The following HNRNPC variants were observed in gnomAD, a reference collection of about 807,000 sequenced individuals.
HNRNPC encodes the protein heterogeneous nuclear ribonucleoproteins C1/C2.
In HNRNPC, 3 loss-of-function variants were observed where a neutral mutation model predicts 33.2. The ratio of observed to expected loss-of-function variants is 0.09; its 90% confidence interval spans 0.04 to 0.23. The LOEUF is 0.23. Among genes scored for constraint, HNRNPC ranks in the 10% least tolerant of loss-of-function variants. HNRNPC has a pLI of 1.00. For synonymous variants in HNRNPC, 121 were observed against 126.7 expected (o/e 0.96, Z 0.30); for missense variants, 143 against 366.7 (o/e 0.39, Z 4.98).
intron 5 of HNRNPC, among the ~76,000 whole-genome samples, chr14:21,217,955 C>T (rs1194083679): frequency 6.6e-6 from 1 of 152,048 alleles, no homozygotes; most frequent in African/African-American, 2.4e-5. Flanking sequence ...CAAAAAGAAT[C>T]TAGTCTGTAA....
intron 2 of HNRNPC, among the ~76,000 whole-genome samples, chr14:21,235,914 A>G (rs970973297): frequency 3.3e-5 from 5 of 152,234 alleles, no homozygotes; most frequent in Admixed American, 6.5e-5. Context: ...ACCATAAGGG[A>G]AAAAACCCAT....
chr14:21,266,228 G>T (rs539714297), intron 1 of HNRNPC, among the ~76,000 whole-genome samples: 26 of 152,086 alleles, frequency 1.7e-4, no homozygotes, highest in Non-Finnish European at 3.1e-4. Flanking sequence ...TCAGCCTCCC[G>T]AGTAGCTGGG....
chr14:21,241,867 A>C (rs941674165), intron 2 of HNRNPC, among the ~76,000 whole-genome samples: 7 of 152,246 alleles, frequency 4.6e-5, no homozygotes, highest in Admixed American at 4.6e-4. Context: ...TTTTCAGCCT[A>C]TGAAGAAACA....
chr14:21,254,530 A>C (rs947228958), intron 2 of HNRNPC: 1 of 152,202 alleles, frequency 6.6e-6, no homozygotes, highest in Non-Finnish European at 1.5e-5. Context: ...ATCAAAGGTA[A>C]GATAAAGATG....
At chr14:21,237,797 G>C (rs749992730) in intron 2 of HNRNPC, among the ~76,000 whole-genome samples, 7 of 151,764 alleles carry the variant, frequency 4.6e-5, no homozygotes, top group Non-Finnish European at 8.8e-5. Context: ...TTTTGAGTTG[G>C]AGTTTCACTC....
intron 2 of HNRNPC, among the ~76,000 whole-genome samples, chr14:21,243,877 TAATA>T (rs1344977666): frequency 3.3e-5 from 5 of 152,180 alleles, no homozygotes; most frequent in Admixed American, 3.3e-4. Context: ...TCTAACACTA[TAATA>T]ATTACATATT....
At chr14:21,218,405 G>A (rs1892440408) in intron 5 of HNRNPC, among the ~76,000 whole-genome samples, 1 of 152,054 alleles carries the variant, frequency 6.6e-6, no homozygotes, top group Non-Finnish European at 1.5e-5. Flanking sequence ...TAAAATTGAG[G>A]CTGGGCATGG....
intron 2 of HNRNPC, among the ~76,000 whole-genome samples, chr14:21,242,786 C>G (rs1895514585): frequency 6.6e-6 from 1 of 152,190 alleles, no homozygotes; most frequent in African/African-American, 2.4e-5. Flanking sequence ...ACGCATTATT[C>G]TCACCAAGCT....
intron 5 of HNRNPC, among the ~76,000 whole-genome samples, chr14:21,220,438 A>T (rs1010492019): frequency 6.6e-6 from 1 of 152,126 alleles, no homozygotes; most frequent in African/African-American, 2.4e-5. Flanking sequence ...CATGTTAGCC[A>T]GGCTGGTCTT....
chr14:21,240,019 G>C (rs553956648), intron 2 of HNRNPC, among the ~76,000 whole-genome samples: 1 of 152,202 alleles, frequency 6.6e-6, no homozygotes, highest in African/African-American at 2.4e-5. Context: ...GATCACAAAA[G>C]ACCTGTTTTA....
chr14:21,211,687 C>T, intron 7 of HNRNPC, 121 bp from the exon 8 acceptor site: 1 of 1,409,856 alleles, frequency 7.1e-7, no homozygotes, highest in East Asian at 2.3e-5. Flanking sequence ...ATACCCTTCC[C>T]AATTCACACT....
At chr14:21,237,730 A>G (rs1894866110) in intron 2 of HNRNPC, among the ~76,000 whole-genome samples, 1 of 152,178 alleles carries the variant, frequency 6.6e-6, no homozygotes, top group African/African-American at 2.4e-5. Context: ...CTTTTATAGT[A>G]GTACAATAGT....
At chr14:21,267,095 C>CAAAAAAAAAAAAAAAAAAAAA (rs56203257) in intron 1 of HNRNPC, among the ~76,000 whole-genome samples, 1 of 104,050 alleles carries the variant, frequency 9.6e-6, no homozygotes, top group Non-Finnish European at 2.0e-5. Flanking sequence ...GACTCCGTCT[C>CAAAAAAAAAAAAAAAAAAAAA]AAAAAAAAAA....
chr14:21,249,774 C>T (rs1190515646), intron 2 of HNRNPC, among the ~76,000 whole-genome samples: 2 of 151,946 alleles, frequency 1.3e-5, no homozygotes, highest in Non-Finnish European at 2.9e-5. Context: ...GGGGGTGTTA[C>T]GACATAAAAG....
chr14:21,252,045 GATT>G (rs1878800705), intron 2 of HNRNPC, among the ~76,000 whole-genome samples: 2 of 152,182 alleles, frequency 1.3e-5, no homozygotes, highest in South Asian at 2.1e-4. Flanking sequence ...CAAAACAGGA[GATT>G]ATATCTAAAT....
intron 2 of HNRNPC, among the ~76,000 whole-genome samples, chr14:21,253,350 T>C (rs1896872314): frequency 6.7e-6 from 1 of 148,574 alleles, no homozygotes; most frequent in African/African-American, 2.5e-5. Flanking sequence ...GCTGGATGCC[T>C]GTAGTCCCAG....
At chr14:21,230,591 T>C in intron 4 of HNRNPC, 1 of 546,702 alleles carries the variant, frequency 1.8e-6, no homozygotes, top group South Asian at 2.4e-5. Flanking sequence ...TCGCTAAGAT[T>C]TCCACATACG....
chr14:21,253,850 G>A (rs899846844), intron 2 of HNRNPC, among the ~76,000 whole-genome samples: 1 of 151,958 alleles, frequency 6.6e-6, no homozygotes, highest in Admixed American at 6.6e-5. Context: ...CAGATCACGA[G>A]GTCAGCAAAT....
chr14:21,236,861 T>C (rs1004965428), intron 2 of HNRNPC, among the ~76,000 whole-genome samples: 1 of 152,140 alleles, frequency 6.6e-6, no homozygotes, highest in African/African-American at 2.4e-5. Flanking sequence ...AAAATCACTA[T>C]CCTACAGACA....
Sources: allele counts gnomAD v4.1 joint callset (sites outside exome capture counted in the v4.1 genomes callset), GRCh38; gene constraint gnomAD v4.1.1; transcripts MANE v1.5; gene names NCBI Gene and HGNC (gene_info 2026-07-23, HGNC 2026-07-21).